The following MYO1F variants were observed in gnomAD, a reference collection of about 807,000 sequenced individuals.
MYO1F encodes myosin IF, also known as unconventional myosin-If.
In MYO1F, 60 loss-of-function variants were observed where a neutral mutation model predicts 146.6. The ratio of observed to expected loss-of-function variants is 0.41; its 90% CI spans 0.33 to 0.51. The LOEUF (loss-of-function observed/expected upper bound fraction) is 0.51, where lower values mean the gene tolerates loss of function less well. Ranked by LOEUF, MYO1F falls within the 20% of genes least tolerant of loss-of-function variation. The probability of loss-of-function intolerance (pLI) is 0.25; values close to 1 mark genes in which losing one functional copy is unlikely to be tolerated. For missense variants in MYO1F, 1,274 were observed against 1,534.3 expected, an observed-to-expected ratio of 0.83 and a Z score of 2.83; for synonymous variants, 602 against 602.1, an observed-to-expected ratio of 1.00 and a Z score of 0.00.
intron 15 of MYO1F, 189 bp from the exon 16 acceptor site, chr19:8,540,217 T>A (rs2145867447): frequency 1.9e-6 from 1 of 537,668 alleles, no homozygotes; most frequent in African/African-American, 1.9e-5. Flanking sequence ...CCTCGCTTTG[T>A]CCTCCAGGTT....
At chr19:8,556,887 C>CAA (rs534645939) in intron 1 of MYO1F, among the ~76,000 whole-genome samples, 2,467 of 67,548 alleles carry the variant, frequency 0.037, 71 homozygotes, top group African/African-American at 0.05. Context: ...AACTCTGTCT[C>CAA]AAAAAAAAAA....
rs1195943584 is a variant in MYO1F, at chr19:8,553,408, G to A, written c.356C>T (p.Ala119Val). 9 of 1,614,108 alleles carry A rather than the reference G, an allele frequency of 5.6e-6. No homozygotes were observed. Among genetic ancestry groups the A allele is most frequent in the Non-Finnish European group, 7.6e-6 (9 of 1,180,008 alleles). Residue 119 changes from alanine (A) to valine (V), a missense_variant, in exon 5 of 28, where the codon GCA becomes GTA. By Grantham distance (64) the Ala-to-Val change is moderately conservative. Around this residue, in one of 2 missense-constraint regions of MYO1F, gnomAD observed 900 missense variants for 1,155.1 expected, o/e 0.78. Coordinates refer to ENST00000644032, the MANE Select transcript of MYO1F (RefSeq NM_012335.4). The part of the protein sequence containing the change: ...SGESGAGKTV[A>V]AKYIMGYISK... ...GATGTAGCCCATGATATATTTGGCT[G>A]CCACTGTCTTCCCAGCTCCACTCTC...
rs1972438961 is a variant in MYO1F, at chr19:8,530,470, A to G, written c.2147T>C (p.Met716Thr). 7.4e-6 allele frequency: 12 copies of G among 1,613,738 alleles called. No homozygotes were observed. The highest frequency in any genetic ancestry group is 1.0e-5 in the Non-Finnish European group (12 of 1,179,988). ...RHVAVRKYEEMREEASNILLN... is the reference protein window; with the variant it reads ...RHVAVRKYEETREEASNILLN... Reference sequence around the variant, plus strand: ...CCGAAGCCTCTCACCTTCCTCCCGCATCTCCTCGTACTTCCGGACAGCCAC... The same window carrying G: ...CCGAAGCCTCTCACCTTCCTCCCGCGTCTCCTCGTACTTCCGGACAGCCAC... The change falls in exon 20 of 28, where the codon ATG becomes ACG. Residue 716 changes from methionine (M) to threonine (T), a missense_variant. Transcript: ENST00000644032. This position sits in a 1 kb window ranked among gnomAD's most constrained non-coding sequence, Gnocchi z 5.8.
intron 1 of MYO1F, among the ~76,000 whole-genome samples, chr19:8,572,265 G>A (rs1348578287): frequency 1.2e-5 from 1 of 86,824 alleles, no homozygotes; most frequent in Non-Finnish European, 2.2e-5. Flanking sequence ...AATCAATTAT[G>A]GGCATTTTTT....
intron 1 of MYO1F, among the ~76,000 whole-genome samples, chr19:8,573,240 G>A (rs1410957867): frequency 6.6e-6 from 1 of 152,082 alleles, no homozygotes; most frequent in Non-Finnish European, 1.5e-5. Context: ...GAACCTAGGA[G>A]GTGGGGCTTG....
rs1191447239 is a variant in MYO1F at position 8,543,675 on chromosome 19, C to CTGGTGGTGGTGGTGGTGG, written c.1524+604_1524+621dup. The stretch of plus-strand genomic sequence containing the variant: ...GGTGCTGGTGGTGGTGGTGGTGGTG[C>CTGGTGGTGGTGGTGGTGG]TGGTGGTGGTGGTGGTGGTGGTGGT... On this transcript the variant is annotated intron_variant, in intron 14 of 27. Coordinates refer to ENST00000644032, the MANE Select transcript of MYO1F (RefSeq NM_012335.4). Among the ~76,000 whole-genome samples, 60 of 36,188 alleles carry CTGGTGGTGGTGGTGGTGG rather than the reference C, an allele frequency of 1.7e-3. 9 individuals are homozygous for CTGGTGGTGGTGGTGGTGG. The highest frequency in any genetic ancestry group is 6.4e-3 in the African/African-American group (50 of 7,814). 23.7% of individuals were successfully genotyped at this position (36,188 alleles called of 152,430 possible). A position where few individuals can be genotyped will look rare whatever the true frequency, so the allele number is the denominator to read the frequency against.
At chr19:8,533,195 T>A (rs1029458092) in intron 19 of MYO1F, among the ~76,000 whole-genome samples, 35 of 151,066 alleles carry the variant, frequency 2.3e-4, no homozygotes, top group Non-Finnish European at 4.3e-4. Flanking sequence ...ATATATATAT[T>A]TTTTTGGTAG....
At chr19:8,542,136 T>C in intron 14 of MYO1F, 145 bp from the exon 15 acceptor site, 1 of 594,756 alleles carries the variant, frequency 1.7e-6, no homozygotes, top group Non-Finnish European at 3.1e-6. Flanking sequence ...CAGCGCTGGC[T>C]GGGGGGTATC....
chr19:8,526,884 G>C lies in MYO1F; in HGVS notation c.2526C>G (p.Phe842Leu). The change falls in exon 23 of 28, where the codon TTC becomes TTG. Residue 842 changes from phenylalanine to leucine, a missense_variant. Transcript: ENST00000644032. Reference sequence around the variant, plus strand: ...ACTCGGTCTTGAAGACGCTCTCCAGGAAGCTGTCGGCGGCATCCTCTTGGA... The same window carrying C: ...ACTCGGTCTTGAAGACGCTCTCCAGCAAGCTGTCGGCGGCATCCTCTTGGA... ...FILQEDAADS[F>L]LESVFKTEFV... The C allele has an allele frequency of 1.2e-6, 2 of 1,614,110 alleles. No homozygotes were observed. The highest frequency in any genetic ancestry group is 1.7e-6 in the Non-Finnish European group (2 of 1,180,014).
intron 14 of MYO1F, among the ~76,000 whole-genome samples, chr19:8,542,669 C>T (rs1266939054): frequency 6.7e-6 from 1 of 149,692 alleles, no homozygotes; most frequent in Non-Finnish European, 1.5e-5. Context: ...GACACGATCT[C>T]AGCTCACTGC....
intron 1 of MYO1F, among the ~76,000 whole-genome samples, chr19:8,568,887 CT>C (rs1351752331): frequency 6.6e-6 from 1 of 152,088 alleles, no homozygotes; most frequent in Non-Finnish European, 1.5e-5. Flanking sequence ...CGTCATTGCA[CT>C]CCAGCCTGGG....
At chr19:8,531,096 C>T (rs1430400962) in intron 19 of MYO1F, among the ~76,000 whole-genome samples, 1 of 151,568 alleles carries the variant, frequency 6.6e-6, no homozygotes, top group African/African-American at 2.4e-5. Flanking sequence ...GCCTATAATC[C>T]CAGCGCCTTG....
In MYO1F at chr19:8,536,353, C is replaced by T; in HGVS notation, c.1942G>A (p.Asp648Asn). ...TPETWPRWRGDERQGVQHLLR... is the reference protein window; with the variant it reads ...TPETWPRWRGNERQGVQHLLR... Reference sequence around the variant, plus strand: ...AGGTGCTGGACGCCCTGGCGTTCGTCCCCACGCCACCGCGGCCACGTCTCG... The same window carrying T: ...AGGTGCTGGACGCCCTGGCGTTCGTTCCCACGCCACCGCGGCCACGTCTCG... Residue 648 changes from aspartate (D) to asparagine (N), a missense_variant, in exon 19 of 28, where the codon GAC (aspartate) becomes AAC (asparagine). Physicochemically the swap from Asp to Asn is conservative, Grantham distance 23 (BLOSUM62 1). Coordinates refer to ENST00000644032, the MANE Select transcript of MYO1F (RefSeq NM_012335.4). The T allele has an allele frequency of 6.2e-7, 1 of 1,605,172 alleles. No individual in the cohort carries two copies. The highest frequency in any genetic ancestry group is 8.5e-7 in the Non-Finnish European group (1 of 1,179,676).
At chr19:8,568,123 C>G (rs1015684805) in intron 1 of MYO1F, among the ~76,000 whole-genome samples, 2 of 152,110 alleles carry the variant, frequency 1.3e-5, no homozygotes, top group Non-Finnish European at 2.9e-5. Context: ...GCTCCAGCCA[C>G]CTGTAAAATC....
chr19:8,541,376 A>G (rs190233335), intron 15 of MYO1F, among the ~76,000 whole-genome samples: 1 of 138,076 alleles, frequency 7.2e-6, no homozygotes, highest in Non-Finnish European at 1.5e-5. Flanking sequence ...TCCCCGTCTT[A>G]TTACTTTACA....
At chr19:8,543,980 GGT>G (rs1340054508) in intron 14 of MYO1F, 14 of 378,592 alleles carry the variant, frequency 3.7e-5, no homozygotes, top group Non-Finnish European at 4.9e-5. Flanking sequence ...TGCTGGTGCT[GGT>G]GCTGGTGGTG....
At chr19:8,570,076 C>T (rs1320227929) in intron 1 of MYO1F, among the ~76,000 whole-genome samples, 1 of 150,888 alleles carries the variant, frequency 6.6e-6, no homozygotes, top group Non-Finnish European at 1.5e-5. Flanking sequence ...CTGGCTAATA[C>T]ATTTTTTTTT....
intron 25 of MYO1F, among the ~76,000 whole-genome samples, chr19:8,523,280 G>A (rs376658481): frequency 0.011 from 1,728 of 152,140 alleles, 12 homozygotes; most frequent in South Asian, 0.025. Context: ...TGATCCGCCC[G>A]CCTTGGCCTC....
In MYO1F at chr19:8,530,421, G is replaced by A. The variant is rs1452565336; in HGVS notation, c.2158+38C>T. ...CCTGATACAGCTCCTCCAGGTCCTT[G>A]TGCCCCCACCCCGCGCCGTTTACCC... On this transcript the variant is annotated intron_variant, in intron 20 of 27. Transcript: ENST00000644032. This position sits in a 1 kb window ranked among gnomAD's most constrained non-coding sequence, Gnocchi z 5.8. 2 of 1,613,722 alleles carry A rather than the reference G, an allele frequency of 1.2e-6. No homozygotes were observed. Among genetic ancestry groups the A allele is most frequent in the African/African-American group, 1.3e-5 (1 of 75,032 alleles).
Sources: allele counts gnomAD v4.1 joint callset (sites outside exome capture counted in the v4.1 genomes callset), GRCh38; gene constraint gnomAD v4.1.1; regional missense constraint gnomAD v4.1.1; non-coding constraint Gnocchi (gnomAD v3.1); transcripts MANE v1.5; gene names NCBI Gene and HGNC (gene_info 2026-07-23, HGNC 2026-07-21).